GRM5: variants seen among roughly 807,000 people sequenced by gnomAD.
GRM5 encodes glutamate metabotropic receptor 5.
Under a neutral mutation model 83.1 loss-of-function variants are expected in GRM5, and 19 were observed. The ratio of observed to expected loss-of-function variants is 0.23; its 90% CI spans 0.16 to 0.34. GRM5 has a LOEUF of 0.34. GRM5 is among the 10% of genes least tolerant of loss of function. GRM5 has a pLI of 1.00. For missense variants in GRM5, 1,160 were observed against 1,588.3 expected, an observed-to-expected ratio of 0.73 and a Z score of 4.58; for synonymous variants, 675 against 633.6, an observed-to-expected ratio of 1.07 and a Z score of -0.98.
chr11:88,588,288 C>G (rs1943360829), intron 7 of GRM5, among the ~76,000 whole-genome samples: 1 of 152,110 alleles, frequency 6.6e-6, no homozygotes, highest in South Asian at 2.1e-4. Context: ...CTCTTTCCAA[C>G]TTTAAAAATT....
At chr11:88,942,334 G>A (rs542574638) in intron 2 of GRM5, among the ~76,000 whole-genome samples, 55 of 152,070 alleles carry the variant, frequency 3.6e-4, no homozygotes, top group African/African-American at 1.3e-3. Flanking sequence ...GCTTGGTGAG[G>A]GATATATGAG....
chr11:88,690,376 A>C (rs1049764864), intron 3 of GRM5, among the ~76,000 whole-genome samples: 6 of 152,176 alleles, frequency 3.9e-5, no homozygotes, highest in Admixed American at 6.6e-5. Flanking sequence ...ATGGGAAGGC[A>C]TATTATAAAC....
At chr11:88,707,151 T>C (rs1456268577) in intron 3 of GRM5, among the ~76,000 whole-genome samples, 1 of 152,062 alleles carries the variant, frequency 6.6e-6, no homozygotes, top group Non-Finnish European at 1.5e-5. Context: ...GTGTATGGGG[T>C]TCACTCCTCC....
intron 3 of GRM5, among the ~76,000 whole-genome samples, chr11:88,722,840 T>G (rs147725481): frequency 6.6e-6 from 1 of 152,128 alleles, no homozygotes; most frequent in Non-Finnish European, 1.5e-5. Flanking sequence ...GTTGTTACAA[T>G]TGATGAATCA....
intron 3 of GRM5, among the ~76,000 whole-genome samples, chr11:88,722,244 C>T (rs1941559845): frequency 6.6e-6 from 1 of 152,088 alleles, no homozygotes; most frequent in Admixed American, 6.6e-5. Context: ...TACTGTTAAA[C>T]CACTCCTCTA....
chr11:88,855,264 C>A (rs185001042), intron 2 of GRM5, among the ~76,000 whole-genome samples: 4 of 151,824 alleles, frequency 2.6e-5, no homozygotes, highest in African/African-American at 7.2e-5. Flanking sequence ...TCTTATTTTT[C>A]ATTTTCCCAA....
At chr11:88,887,051 C>T (rs149157094) in intron 2 of GRM5, among the ~76,000 whole-genome samples, 1 of 152,274 alleles carries the variant, frequency 6.6e-6, no homozygotes, top group East Asian at 1.9e-4. Context: ...TACCCAAACA[C>T]TCTAGCTAAC....
intron 2 of GRM5, among the ~76,000 whole-genome samples, chr11:88,913,088 C>A (rs1945526971): frequency 6.6e-6 from 1 of 152,188 alleles, no homozygotes; most frequent in South Asian, 2.1e-4. Context: ...ATCCTTAAAT[C>A]ATCTATCCTC....
chr11:89,060,237 A>T (rs1281181064), intron 1 of GRM5, among the ~76,000 whole-genome samples: 2 of 150,394 alleles, frequency 1.3e-5, no homozygotes, highest in African/African-American at 2.5e-5. Flanking sequence ...TATTTCCATT[A>T]TTTTTGCCTT....
At chr11:88,985,794 A>G (rs1379116469) in intron 2 of GRM5, among the ~76,000 whole-genome samples, 1 of 152,140 alleles carries the variant, frequency 6.6e-6, no homozygotes, top group East Asian at 1.9e-4. Flanking sequence ...ATCTATGTCA[A>G]ATAGGGTTAG....
chr11:88,636,562 G>A (rs1565164708), intron 4 of GRM5, among the ~76,000 whole-genome samples: 1 of 151,970 alleles, frequency 6.6e-6, no homozygotes, highest in Non-Finnish European at 1.5e-5. Flanking sequence ...TAGTTTGTGA[G>A]TCATTTCATC....
At chr11:88,867,265 G>A (rs1944688107) in intron 2 of GRM5, among the ~76,000 whole-genome samples, 2 of 151,854 alleles carry the variant, frequency 1.3e-5, no homozygotes, top group East Asian at 1.9e-4. Flanking sequence ...GTAGCTTGAT[G>A]GGGATAGCAT....
At chr11:88,904,333 C>A (rs187637261) in intron 2 of GRM5, among the ~76,000 whole-genome samples, 138 of 152,276 alleles carry the variant, frequency 9.1e-4, no homozygotes, top group African/African-American at 2.6e-3. Context: ...AAAACATTTT[C>A]TCAACCAAAG....
At chr11:88,976,990 C>G (rs1423287969) in intron 2 of GRM5, among the ~76,000 whole-genome samples, 1 of 151,720 alleles carries the variant, frequency 6.6e-6, no homozygotes, top group Non-Finnish European at 1.5e-5. Context: ...GGGAGAAACT[C>G]TCAGTTTAAT....
At position 88,604,546 on chromosome 11, in the gene GRM5, C is replaced by A. The variant is rs1273201466; in HGVS notation, c.1394+172G>T. On this transcript the variant is annotated intron_variant, in intron 5 of 9. Coordinates refer to ENST00000305447, the MANE Select transcript of GRM5 (RefSeq NM_001143831.3). The stretch of plus-strand genomic sequence containing the variant: ...ATCAGCACAAATGCTTTTTTCCTGG[C>A]CACAGGAAATGGGGCTTCTTCTCTC... Among the ~76,000 whole-genome samples, 4 of 152,024 alleles carry A rather than the reference C, an allele frequency of 2.6e-5. No individual in the cohort carries two copies. The South Asian group carries it at 8.3e-4, about 31-fold the overall frequency.
At chr11:88,590,195 A>G (rs909945873) in intron 7 of GRM5, among the ~76,000 whole-genome samples, 1 of 152,244 alleles carries the variant, frequency 6.6e-6, no homozygotes, top group African/African-American at 2.4e-5. Context: ...ACTTTAGATG[A>G]CATTCTGCCC....
At chr11:88,984,605 C>A in intron 2 of GRM5, 1 of 449,566 alleles carries the variant, frequency 2.2e-6, no homozygotes. Flanking sequence ...CTGAGAATTA[C>A]CTTCCTAAAT....
intron 3 of GRM5, among the ~76,000 whole-genome samples, chr11:88,731,819 T>C (rs1162609424): frequency 1.3e-5 from 2 of 152,066 alleles, no homozygotes; most frequent in Non-Finnish European, 2.9e-5. Context: ...CTAGATAACC[T>C]AATAGTTTAT....
At chr11:88,715,584 C>CT (rs1941383433) in intron 3 of GRM5, among the ~76,000 whole-genome samples, 1 of 151,996 alleles carries the variant, frequency 6.6e-6, no homozygotes, top group African/African-American at 2.4e-5. Flanking sequence ...TTACACGAAT[C>CT]TTTGTCAGCT....
Sources: allele counts gnomAD v4.1 joint callset (sites outside exome capture counted in the v4.1 genomes callset), GRCh38; gene constraint gnomAD v4.1.1; transcripts MANE v1.5; gene names NCBI Gene and HGNC (gene_info 2026-07-23, HGNC 2026-07-21).